The following MYO1F variants were observed in gnomAD, a reference collection of about 807,000 sequenced individuals.
MYO1F encodes the protein unconventional myosin-If.
A neutral mutation model predicts 146.6 loss-of-function variants in MYO1F; 60 were observed. The observed-to-expected ratio is 0.41, with a 90% CI of 0.33 to 0.51. The LOEUF (loss-of-function observed/expected upper bound fraction) is 0.51. MYO1F is among the 20% of genes least tolerant of loss of function. The probability of loss-of-function intolerance (pLI) is 0.25; values close to 1 mark genes in which losing one functional copy is unlikely to be tolerated. For synonymous variants in MYO1F, 602 were observed against 602.1 expected (o/e 1.00, Z 0.00); for missense variants, 1,274 against 1,534.3 (o/e 0.83, Z 2.83).
At chr19:8,540,191 G>C in intron 15 of MYO1F, 163 bp from the exon 16 acceptor site, 1 of 581,060 alleles carries the variant, frequency 1.7e-6, no homozygotes, top group Non-Finnish European at 3.0e-6. Context: ...TTTTTGGTTT[G>C]TTTTTTGAGG....
rs371111771 is a variant in MYO1F at position 8,526,482 on chromosome 19, C to T, written c.2741G>A (p.Ser914Asn). Reference sequence around the variant, plus strand: ...GCTCTTGGGCAGCCCATCGCCCACGCTGACCGTGAGGGTCCGACCGCCAAC... The same window carrying T: ...GCTCTTGGGCAGCCCATCGCCCACGTTGACCGTGAGGGTCCGACCGCCAAC... ...LKVGGRTLTV[S>N]VGDGLPKSSK... The change falls in exon 24 of 28, where the codon AGC (serine) becomes AAC (asparagine). Residue 914 changes from serine to asparagine, a missense_variant. Ser to Asn is a conservative substitution (Grantham distance 46, BLOSUM62 1). Transcript: ENST00000644032. The T allele has an allele frequency of 3.3e-5, 52 of 1,565,976 alleles. No homozygotes were observed. The African/African-American group carries it at 4.6e-4, about 14-fold the overall frequency.
intron 1 of MYO1F, among the ~76,000 whole-genome samples, chr19:8,574,577 T>TTCTTTCTTTCTTTCTTTCTTTCTC (rs1335184271): frequency 5.0e-5 from 4 of 79,782 alleles, no homozygotes; most frequent in East Asian, 3.5e-4. Context: ...CTTTCTTTCT[T>TTCTTTCTTTCTTTCTTTCTTTCTC]TCTCTCTCTC....
rs1411044482 is a variant in MYO1F, at chr19:8,553,163, C to T, written c.480G>A (p.Val160=). The change falls in exon 6 of 28, where the codon GTG becomes GTA. Residue 160 remains valine, a synonymous_variant. Transcript: ENST00000644032. ...CAAAGCGGCTGGAATTGTTGTTGCGCACAGTCTTGGCGTTGCCGAAGGCCT... is the reference window on the plus strand; with the variant it reads ...CAAAGCGGCTGGAATTGTTGTTGCGTACAGTCTTGGCGTTGCCGAAGGCCT... ...LLEAFGNAKT[V]RNNNSSRFGK... 2 of 1,614,174 alleles carry T rather than the reference C, an allele frequency of 1.2e-6. No homozygotes were observed. Among genetic ancestry groups the T allele is most frequent in the Non-Finnish European group, 1.7e-6 (2 of 1,180,036 alleles).
At chr19:8,571,887 G>A (rs930404341) in intron 1 of MYO1F, among the ~76,000 whole-genome samples, 11 of 152,128 alleles carry the variant, frequency 7.2e-5, no homozygotes, top group African/African-American at 2.4e-4. Context: ...GTAAGCCACC[G>A]CGCCCAGCCC....
intron 1 of MYO1F, chr19:8,576,596 A>G (rs1555733857): frequency 1.3e-5 from 2 of 156,224 alleles, no homozygotes; most frequent in African/African-American, 2.4e-5. Context: ...CCCCGTTGCT[A>G]TCATCGACAG....
rs567991191 is a variant in MYO1F at position 8,536,802 on chromosome 19, G to T, written c.1799+147C>A. 2.8e-5 allele frequency: 18 copies of T among 632,134 alleles called. No homozygotes were observed. In the South Asian group the frequency reaches 3.2e-4, roughly 11 times the overall value. 39.2% of individuals were successfully genotyped at this position (632,134 alleles called of 1,614,324 possible). On this transcript the variant is annotated intron_variant, in intron 17 of 27. Transcript: ENST00000644032. ...ATCTTGTCCTGATGGTCCCTTCTGG[G>T]GTCAGTTCTGCAGGTGGGGGATTGT... is the stretch of plus-strand genomic sequence containing the variant.
chr19:8,522,533 G>A lies in MYO1F; in HGVS notation c.3064C>T (p.Arg1022Cys), dbSNP rs751725183. 81 of 1,612,188 alleles carry A rather than the reference G, an allele frequency of 5.0e-5. No individual in the cohort carries two copies. In the East Asian group the frequency reaches 5.1e-4, roughly 10 times the overall value. ...DQGMAGMQRK[R>C]SVGQRPVPGV... ...GGCACTGGCCGTTGCCCCACGCTGC[G>A]CTTCCTCTGCATGCTGTGGGCACAG... The change falls in exon 27 of 28, where the codon CGC becomes TGC. Residue 1022 changes from arginine (R) to cysteine (C), a missense_variant. By Grantham distance (180) the Arg-to-Cys change is radical (BLOSUM62 -3). Around this residue, in one of 2 missense-constraint regions of MYO1F, gnomAD observed 374 missense variants for 379.2 expected, o/e 0.99. Transcript: ENST00000644032.
chr19:8,534,376 C>G (rs1186540484), intron 19 of MYO1F, among the ~76,000 whole-genome samples: 2 of 151,718 alleles, frequency 1.3e-5, no homozygotes, highest in Admixed American at 1.3e-4. Flanking sequence ...GGCGCAATCT[C>G]AGCTCACTGC....
chr19:8,525,456 T>C lies in MYO1F; in HGVS notation c.2854+23A>G, dbSNP rs777537386. ...GGGACCCACAACAGACAAGGGAATATAGCAAGGGACGCAGCTCCTCACCTC... is the reference window on the plus strand; with the variant it reads ...GGGACCCACAACAGACAAGGGAATACAGCAAGGGACGCAGCTCCTCACCTC... On this transcript the variant is annotated intron_variant, in intron 25 of 27. Transcript: ENST00000644032. 2.5e-6 allele frequency: 4 copies of C among 1,605,480 alleles called. No homozygotes were observed. In the South Asian group the frequency reaches 3.3e-5, roughly 13 times the overall value.
At chr19:8,522,235 G>A (rs566729947) in intron 27 of MYO1F, 142 bp downstream of exon 27, 15 of 1,028,824 alleles carry the variant, frequency 1.5e-5, no homozygotes, top group South Asian at 2.7e-5. Flanking sequence ...TGTTAGCCAG[G>A]ATGGTCTCGA....
At chr19:8,521,986 C>T (rs1226381939) in intron 27 of MYO1F, among the ~76,000 whole-genome samples, 2 of 150,790 alleles carry the variant, frequency 1.3e-5, no homozygotes, top group Non-Finnish European at 2.9e-5. Context: ...GGAGGGTGTG[C>T]AGTGGTGGGG....
intron 12 of MYO1F, 114 bp downstream of exon 12, chr19:8,547,922 G>A: frequency 1.0e-6 from 1 of 998,788 alleles, no homozygotes; most frequent in South Asian, 1.3e-5. Context: ...GCACAGAGAG[G>A]TGGGAACGCG....
intron 9 of MYO1F, 92 bp downstream of exon 9, chr19:8,550,470 G>A (rs751466630): frequency 4.4e-5 from 71 of 1,608,330 alleles, no homozygotes; most frequent in African/African-American, 3.5e-4. Flanking sequence ...TTTTTTCCTC[G>A]TGGGCTTTCA....
chr19:8,523,073 T>C (rs369644060), intron 25 of MYO1F, among the ~76,000 whole-genome samples: 11 of 151,422 alleles, frequency 7.3e-5, no homozygotes, highest in South Asian at 2.1e-4. Context: ...GCTCAGTCGC[T>C]CAGGCTGGAG....
At chr19:8,568,456 G>C (rs1214045036) in intron 1 of MYO1F, among the ~76,000 whole-genome samples, 1 of 142,410 alleles carries the variant, frequency 7.0e-6, no homozygotes, top group East Asian at 2.2e-4. Flanking sequence ...TTAATCACAG[G>C]CTGTTTGCAT....
Position 8,539,944 on chromosome 19 carries a change from C to T in MYO1F, c.1692+3G>A, listed in dbSNP as rs760285214. The T allele has an allele frequency of 6.2e-6, 10 of 1,612,584 alleles. No homozygotes were observed. The highest frequency in any genetic ancestry group is 8.5e-6 in the Non-Finnish European group (10 of 1,179,340). ...AGCTCCCCGTTGTACACCCCAGGCCCACCTTGATCTTGGAGCCGGCGGTGC... is the reference window on the plus strand; with the variant it reads ...AGCTCCCCGTTGTACACCCCAGGCCTACCTTGATCTTGGAGCCGGCGGTGC... On this transcript the variant is annotated splice_donor_region_variant and intron_variant, in intron 16 of 27. Coordinates refer to ENST00000644032, the MANE Select transcript of MYO1F (RefSeq NM_012335.4).
At chr19:8,549,608 G>T (rs534214839) in intron 10 of MYO1F, 1 of 160,816 alleles carries the variant, frequency 6.2e-6, no homozygotes, top group South Asian at 1.7e-4. Context: ...CACCTCCCAG[G>T]TTCAAGTGAT....
chr19:8,532,903 TACACACACACACACACACACACAC>T lies in MYO1F; in HGVS notation c.2044-2354_2044-2331del, dbSNP rs60799506. Among the ~76,000 whole-genome samples, 70 of 113,172 alleles carry T rather than the reference TACACACACACACACACACACACAC, an allele frequency of 6.2e-4. 1 individual carries two copies. Among genetic ancestry groups the T allele is most frequent in the African/African-American group, 2.1e-3 (63 of 30,108 alleles). The allele number at this position is 113,172 out of a possible 152,430, so 74.2% of individuals were successfully genotyped here. ...ATCCTGTCTCAGAAAAAAAAAAAAA[TACACACACACACACACACACACAC>T]ACACACACACACACACACACACAAT... On this transcript the variant is annotated intron_variant, in intron 19 of 27. Coordinates refer to ENST00000644032, the MANE Select transcript of MYO1F (RefSeq NM_012335.4).
In MYO1F at chr19:8,526,435, A is replaced by T. The variant is rs1436767882; in HGVS notation, c.2770+18T>A. 6 of 1,551,030 alleles carry T rather than the reference A, an allele frequency of 3.9e-6. 2 individuals carry two copies. The South Asian group carries it at 7.1e-5, about 18-fold the overall frequency. On this transcript the variant is annotated intron_variant, in intron 24 of 27. Coordinates refer to ENST00000644032, the MANE Select transcript of MYO1F (RefSeq NM_012335.4). ...TCGCTGGCCCCGCCCCCTCTGCCCTAGTTCCGCGCAGACTCACTGGAGCTC... is the reference window on the plus strand; with the variant it reads ...TCGCTGGCCCCGCCCCCTCTGCCCTTGTTCCGCGCAGACTCACTGGAGCTC...
Sources: allele counts gnomAD v4.1 joint callset (sites outside exome capture counted in the v4.1 genomes callset), GRCh38; gene constraint gnomAD v4.1.1; regional missense constraint gnomAD v4.1.1; transcripts MANE v1.5; gene names NCBI Gene and HGNC (gene_info 2026-07-23, HGNC 2026-07-21).